Variants in STAG3 observed in about 807,000 individuals in gnomAD.
The protein encoded by STAG3 is cohesin subunit SA-3.
STAG3 carries 101 observed loss-of-function variants against 160.7 expected under a neutral mutation model. That is an observed-to-expected ratio of 0.63 (90% CI 0.54 to 0.74). The LOEUF is 0.74. Ranked by LOEUF, STAG3 falls within the 30% of genes least tolerant of loss-of-function variation. The pLI, the probability that STAG3 is intolerant of heterozygous loss-of-function variation, is 0.00. For synonymous variants in STAG3, 519 were observed against 585.0 expected (o/e 0.89, Z 1.63); for missense variants, 1,188 against 1,517.4 (o/e 0.78, Z 3.61).
In STAG3 at chr7:100,201,477, G is replaced by C. The variant is rs1377855964; in HGVS notation, c.2220+126G>C. ...GTGGACAAAGCGAGGAAGATCAGGT[G>C]GGTGGGGGTCACCTCTTACATTCCT... On this transcript the variant is annotated intron_variant, in intron 21 of 33. Transcript: ENST00000615138. 4 of 800,334 alleles carry C rather than the reference G, an allele frequency of 5.0e-6. No homozygotes were observed. The Admixed American group carries it at 9.1e-5, about 18-fold the overall frequency. The allele number at this position is 800,334 out of a possible 1,614,324, so 49.6% of individuals were successfully genotyped here.
chr7:100,197,189 T>G lies in STAG3; in HGVS notation c.975T>G (p.Ile325Met). ...TTCCTGAGATCCGTGCTATCTGCAT[T>G]GAGGAAATTGGGTGTTGGATGCAAA... is the stretch of plus-strand genomic sequence containing the variant. ...DVLPEIRAIC[I>M]EEIGCWMQSY... The change falls in exon 10 of 34, where the codon ATT (isoleucine) becomes ATG (methionine). Residue 325 changes from isoleucine to methionine, a missense_variant. By Grantham distance (10) the Ile-to-Met change is conservative. Coordinates refer to ENST00000615138, the MANE Select transcript of STAG3 (RefSeq NM_001282717.2). The G allele has an allele frequency of 6.2e-7, 1 of 1,602,956 alleles. No individual in the cohort carries two copies. The highest frequency in any genetic ancestry group is 1.1e-5 in the South Asian group (1 of 90,630).
intron 9 of STAG3, among the ~76,000 whole-genome samples, chr7:100,196,653 C>T (rs1326387622): frequency 1.3e-5 from 2 of 151,854 alleles, no homozygotes; most frequent in African/African-American, 4.8e-5. Flanking sequence ...GGAAGCTGGG[C>T]GTGGTGGTGC....
At chr7:100,203,936 G>A in intron 25 of STAG3, 85 bp from the exon 26 acceptor site, 1 of 847,376 alleles carries the variant, frequency 1.2e-6, no homozygotes. Flanking sequence ...AGTTTGGGAG[G>A]GAGACATGAT....
intron 9 of STAG3, among the ~76,000 whole-genome samples, chr7:100,196,141 A>G (rs1398185360): frequency 6.6e-6 from 1 of 152,006 alleles, no homozygotes; most frequent in Non-Finnish European, 1.5e-5. Flanking sequence ...AAAAAAGAAA[A>G]AAAAGAAAAA....
At position 100,211,083 on chromosome 7, in the gene STAG3, C is replaced by G; in HGVS notation, c.3311C>G (p.Pro1104Arg). ...AGTCTGCAGCTGAACAGCATCCCGC[C>G]CACGCCCACCCTCACCTCCACAGCT... ...EESLQLNSIP[P>R]TPTLTSTAVK... is the part of the protein sequence containing the mutation. Residue 1104 changes from proline (P) to arginine (R), a missense_variant, in exon 30 of 34, where the codon CCC (proline) becomes CGC (arginine). Coordinates refer to ENST00000615138, the MANE Select transcript of STAG3 (RefSeq NM_001282717.2). The G allele has an allele frequency of 6.2e-7, 1 of 1,613,616 alleles. No homozygotes were observed. The highest frequency in any genetic ancestry group is 8.5e-7 in the Non-Finnish European group (1 of 1,179,714).
At chr7:100,178,899 G>T (rs548429220) in intron 1 of STAG3, among the ~76,000 whole-genome samples, 1 of 150,906 alleles carries the variant, frequency 6.6e-6, no homozygotes, top group East Asian at 2.0e-4. Flanking sequence ...TGCAGTCATA[G>T]CTCGCTGCAG....
intron 4 of STAG3, among the ~76,000 whole-genome samples, chr7:100,184,668 G>A (rs567992147): frequency 9.8e-4 from 149 of 151,772 alleles, no homozygotes; most frequent in Non-Finnish European, 8.0e-4. Context: ...GGGTTTCACC[G>A]TGTTGGCCGG....
At chr7:100,178,472 A>C (rs1337810323) in intron 1 of STAG3, among the ~76,000 whole-genome samples, 1 of 148,018 alleles carries the variant, frequency 6.8e-6, no homozygotes, top group Non-Finnish European at 1.5e-5. Flanking sequence ...TTTTTATTTC[A>C]TTTTAAAAAA....
intron 2 of STAG3, 119 bp downstream of exon 2, chr7:100,180,791 C>T (rs867184059): frequency 1.9e-5 from 13 of 684,500 alleles, no homozygotes; most frequent in Middle Eastern, 7.3e-4. Context: ...GTGCTATACT[C>T]GTTCAGCACA....
chr7:100,198,294 T>C, intron 12 of STAG3, 128 bp downstream of exon 12: 1 of 1,068,048 alleles, frequency 9.4e-7, no homozygotes. Context: ...AGTTGCAGTA[T>C]GTTGAGGGGG....
At chr7:100,189,290 GTCCAC>G (rs2117157466) in intron 7 of STAG3, among the ~76,000 whole-genome samples, 150 bp from the exon 8 acceptor site, 1 of 152,316 alleles carries the variant, frequency 6.6e-6, no homozygotes, top group South Asian at 2.1e-4. Context: ...GAGGGAAACA[GTCCAC>G]TCCAGGACAG....
At chr7:100,194,167 G>A (rs1161597991) in intron 8 of STAG3, among the ~76,000 whole-genome samples, 1 of 152,042 alleles carries the variant, frequency 6.6e-6, no homozygotes, top group East Asian at 1.9e-4. Context: ...GGCTGGTCTC[G>A]AACTGACCTC....
rs757332979 is a variant in STAG3, at chr7:100,211,466, A to G, written c.3445A>G (p.Arg1149Gly). ...GCCCGTCGCAGGCACCGAGAGGTCAAGGTTCTTGGGTCCACAATATTTCCA... is the reference window on the plus strand; with the variant it reads ...GCCCGTCGCAGGCACCGAGAGGTCAGGGTTCTTGGGTCCACAATATTTCCA... ...SQPVAGTERS[R>G]FLGPQYFQTP... The change falls in exon 31 of 34, where the codon AGG (arginine) becomes GGG (glycine). Residue 1149 changes from arginine (R) to glycine (G), a missense_variant. Arg to Gly is a moderately radical substitution (Grantham distance 125). Coordinates refer to ENST00000615138, the MANE Select transcript of STAG3 (RefSeq NM_001282717.2). 20 of 1,613,460 alleles carry G rather than the reference A, an allele frequency of 1.2e-5. No homozygotes were observed. The South Asian group carries it at 2.0e-4, about 16-fold the overall frequency.
chr7:100,198,893 G>C lies in STAG3; in HGVS notation c.1403G>C (p.Arg468Pro). 1 of 1,612,088 alleles carries C rather than the reference G, an allele frequency of 6.2e-7. No individual in the cohort carries two copies. ...AGAATGATGGGTGGAAGAGAGCAACGCCAGAGCCCAGGCGCCCAGAGGACT... is the reference window on the plus strand; with the variant it reads ...AGAATGATGGGTGGAAGAGAGCAACCCCAGAGCCCAGGCGCCCAGAGGACT... ...EIRMMGGREQ[R>P]QSPGAQRTFF... Residue 468 changes from arginine to proline, a missense_variant, in exon 14 of 34, where the codon CGC becomes CCC. Arg to Pro is a moderately radical substitution (Grantham distance 103, BLOSUM62 -2). Around this residue, in one of 4 missense-constraint regions of STAG3, gnomAD observed 240 missense variants for 358.1 expected, o/e 0.67. Coordinates refer to ENST00000615138, the MANE Select transcript of STAG3 (RefSeq NM_001282717.2).
Position 100,204,501 on chromosome 7 carries a change from A to G in STAG3, c.2803-126A>G, listed in dbSNP as rs574446992. On this transcript the variant is annotated intron_variant, in intron 26 of 33. Transcript: ENST00000615138. ...ATCGGGAGTTCCCTAGAAGGAAGGA[A>G]AGAGTAAAAGTAGTAGATGGTGTCC... is the stretch of plus-strand genomic sequence containing the variant. 14 of 1,187,504 alleles carry G rather than the reference A, an allele frequency of 1.2e-5. No individual in the cohort carries two copies. The Admixed American group carries it at 2.6e-4, about 22-fold the overall frequency. 73.6% of individuals were successfully genotyped at this position (1,187,504 alleles called of 1,614,324 possible). A position where few individuals can be genotyped will look rare whatever the true frequency, so the allele number is the denominator to read the frequency against.
intron 2 of STAG3, 38 bp from the exon 3 acceptor site, chr7:100,182,052 G>A (rs766637930): frequency 1.3e-5 from 20 of 1,495,268 alleles, no homozygotes; most frequent in Non-Finnish European, 1.7e-5. Context: ...GGAGGGAATA[G>A]GGTGGTTATA....
chr7:100,204,478 C>T (rs958083982), intron 26 of STAG3, 149 bp from the exon 27 acceptor site: 10 of 922,636 alleles, frequency 1.1e-5, no homozygotes, highest in East Asian at 5.3e-5. Context: ...GCAGGGGTAT[C>T]GGGAGTTCCC....
chr7:100,188,900 G>C lies in STAG3; in HGVS notation c.599G>C (p.Cys200Ser). 6.2e-7 allele frequency: 1 copy of C among 1,614,206 alleles called. No individual in the cohort carries two copies. Among genetic ancestry groups the C allele is most frequent in the South Asian group, 1.1e-5 (1 of 91,084 alleles). ...TGTGAATTTGTGAGGACATTGGTCT[G>C]TCAGTGCCAGTACAGCCTCCTCTAT... ...SFCEFVRTLV[C>S]QCQYSLLYDG... The change falls in exon 7 of 34, where the codon TGT becomes TCT. Residue 200 changes from cysteine to serine, a missense_variant. By Grantham distance (112) the Cys-to-Ser change is moderately radical (BLOSUM62 -1). Coordinates refer to ENST00000615138, the MANE Select transcript of STAG3 (RefSeq NM_001282717.2).
At chr7:100,217,592 G>C (rs907682184), downstream of STAG3, among the ~76,000 whole-genome samples, 4 of 152,132 alleles carry the variant, frequency 2.6e-5, no homozygotes, top group Non-Finnish European at 4.4e-5. Flanking sequence ...GCGGAGACCA[G>C]TAGTGGCCCT....
Sources: allele counts gnomAD v4.1 joint callset (sites outside exome capture counted in the v4.1 genomes callset), GRCh38; gene constraint gnomAD v4.1.1; regional missense constraint gnomAD v4.1.1; transcripts MANE v1.5; gene names NCBI Gene and HGNC (gene_info 2026-07-23, HGNC 2026-07-21).